Variants in C10orf90 observed in about 807,000 individuals in gnomAD.
The protein encoded by C10orf90 is chromosome 10 open reading frame 90, also known as (E2-independent) E3 ubiquitin-conjugating enzyme FATS.
Under a neutral mutation model 62.5 loss-of-function variants are expected in C10orf90, and 56 were observed. The observed-to-expected ratio is 0.90, with a 90% CI of 0.72 to 1.12. The LOEUF (loss-of-function observed/expected upper bound fraction) is 1.12, where lower values mean the gene tolerates loss of function less well. Ranked by LOEUF, C10orf90 falls within the 50% of genes most tolerant of loss-of-function variation. The pLI, the probability that C10orf90 is intolerant of heterozygous loss-of-function variation, is 0.00. For synonymous variants in C10orf90, 386 were observed against 340.4 expected, an observed-to-expected ratio of 1.13 and a Z score of -1.47; for missense variants, 970 against 880.4, an observed-to-expected ratio of 1.10 and a Z score of -1.29.
chr10:126,480,861 A>T (rs1861127949), intron 4 of C10orf90, among the ~76,000 whole-genome samples: 1 of 152,056 alleles, frequency 6.6e-6, no homozygotes, highest in Non-Finnish European at 1.5e-5. Flanking sequence ...TTCACCCGAG[A>T]TCTTGAGAAT....
At chr10:126,667,648 T>G (rs1170108757) in intron 1 of C10orf90, among the ~76,000 whole-genome samples, 3 of 152,060 alleles carry the variant, frequency 2.0e-5, no homozygotes, top group Non-Finnish European at 4.4e-5. Context: ...ATCACTGAAT[T>G]CTATGAGGTT....
At chr10:126,669,050 G>A (rs918692640) in intron 1 of C10orf90, among the ~76,000 whole-genome samples, 2 of 152,138 alleles carry the variant, frequency 1.3e-5, no homozygotes, top group African/African-American at 2.4e-5. Context: ...CTCTCTGGAG[G>A]ACTGGAAAAT....
At chr10:126,460,837 TAGC>T (rs1859925255) in intron 6 of C10orf90, among the ~76,000 whole-genome samples, 1 of 152,230 alleles carries the variant, frequency 6.6e-6, no homozygotes, top group African/African-American at 2.4e-5. Flanking sequence ...GCAATACAGT[TAGC>T]AGAGGATTCC....
intron 4 of C10orf90, among the ~76,000 whole-genome samples, chr10:126,481,370 A>G (rs1861152711): frequency 6.6e-6 from 1 of 152,256 alleles, no homozygotes; most frequent in African/African-American, 2.4e-5. Context: ...TGCAGTGCCC[A>G]ACACCTAGAT....
chr10:126,427,651 G>GC (rs921708618), intron 8 of C10orf90, among the ~76,000 whole-genome samples: 5 of 152,090 alleles, frequency 3.3e-5, no homozygotes, highest in African/African-American at 1.2e-4. Context: ...TCCTCCTCCC[G>GC]CCCCTCCTGC....
chr10:126,654,076 G>A (rs183733374), intron 1 of C10orf90, among the ~76,000 whole-genome samples: 2 of 152,266 alleles, frequency 1.3e-5, no homozygotes, highest in Non-Finnish European at 2.9e-5. Flanking sequence ...CATTTATAGA[G>A]CACAGACAGA....
intron 4 of C10orf90, among the ~76,000 whole-genome samples, chr10:126,502,116 CACCACACACACACAA>C (rs1444252744): frequency 1.6e-4 from 23 of 145,796 alleles, no homozygotes; most frequent in Non-Finnish European, 2.4e-4. Flanking sequence ...CACACACACA[CACCACACACACACAA>C]CACACACACA....
At chr10:126,610,756 T>C (rs1288827665) in intron 2 of C10orf90, among the ~76,000 whole-genome samples, 1 of 152,194 alleles carries the variant, frequency 6.6e-6, no homozygotes, top group Non-Finnish European at 1.5e-5. Flanking sequence ...TTTTTATCTA[T>C]AGCTATCATC....
At chr10:126,660,242 A>C (rs1243333723) in intron 1 of C10orf90, among the ~76,000 whole-genome samples, 1 of 152,214 alleles carries the variant, frequency 6.6e-6, no homozygotes, top group Non-Finnish European at 1.5e-5. Flanking sequence ...ATTATATGGC[A>C]AAAGGGTTGG....
chr10:126,571,146 G>A (rs953339785), intron 2 of C10orf90, among the ~76,000 whole-genome samples: 4 of 152,264 alleles, frequency 2.6e-5, no homozygotes, highest in African/African-American at 9.6e-5. Flanking sequence ...GCAGTGAGAA[G>A]ATGCAGCCAG....
chr10:126,565,249 AT>A (rs1564874263), intron 2 of C10orf90, among the ~76,000 whole-genome samples: 16 of 27,386 alleles, frequency 5.8e-4, no homozygotes, highest in African/African-American at 1.4e-3. Context: ...TATAATATTT[AT>A]TATATTATAT....
intron 2 of C10orf90, among the ~76,000 whole-genome samples, chr10:126,640,181 A>C (rs1048657037): frequency 5.3e-5 from 8 of 152,222 alleles, no homozygotes; most frequent in Non-Finnish European, 2.9e-5. Flanking sequence ...GGCAGGGTGA[A>C]TGCTAGCTGA....
chr10:126,439,837 G>A (rs1858186806), intron 7 of C10orf90, among the ~76,000 whole-genome samples: 2 of 152,162 alleles, frequency 1.3e-5, no homozygotes. Flanking sequence ...GCTCACTTTT[G>A]CATTACAGAA....
chr10:126,481,033 T>C (rs34831856), intron 4 of C10orf90, among the ~76,000 whole-genome samples: 2,207 of 152,328 alleles, frequency 0.014, 40 homozygotes, highest in Middle Eastern at 0.044. Flanking sequence ...CCACTGGTCT[T>C]GGTCTCATCC....
At chr10:126,587,856 C>A (rs565659305) in intron 2 of C10orf90, among the ~76,000 whole-genome samples, 3 of 152,212 alleles carry the variant, frequency 2.0e-5, no homozygotes, top group Non-Finnish European at 4.4e-5. Context: ...CTCTAGAACC[C>A]AGTATAACTA....
chr10:126,615,727 A>G (rs1385157939), intron 2 of C10orf90, among the ~76,000 whole-genome samples: 1 of 152,182 alleles, frequency 6.6e-6, no homozygotes, highest in Non-Finnish European at 1.5e-5. Context: ...TAGGAGGGAT[A>G]ACACCTATGC....
chr10:126,498,872 C>T (rs929547206), intron 4 of C10orf90, among the ~76,000 whole-genome samples: 2 of 152,192 alleles, frequency 1.3e-5, no homozygotes, highest in Admixed American at 6.5e-5. Flanking sequence ...ACACCTTCTC[C>T]CTCTGCCCAG....
intron 2 of C10orf90, among the ~76,000 whole-genome samples, chr10:126,516,695 C>T (rs1863455339): frequency 1.3e-5 from 2 of 152,230 alleles, no homozygotes; most frequent in African/African-American, 4.8e-5. Context: ...CCTGTGGCTG[C>T]TGCGACAAAC....
chr10:126,664,438 G>A (rs115474335), intron 1 of C10orf90, among the ~76,000 whole-genome samples: 2,021 of 152,160 alleles, frequency 0.013, 50 homozygotes, highest in African/African-American at 0.046. Context: ...CCCCAGCAAC[G>A]CTATAAGGCA....
Sources: gnomAD v4.1 joint callset for allele counts (sites outside exome capture counted in the v4.1 genomes callset) on GRCh38, gnomAD v4.1.1 for gene constraint, MANE v1.5 for transcripts, NCBI Gene and HGNC (gene_info 2026-07-23, HGNC 2026-07-21) for gene names.